Variants in CRACD observed in about 807,000 individuals in gnomAD.
CRACD encodes the protein capping protein inhibiting regulator of actin dynamics.
Under a neutral mutation model 106.8 loss-of-function variants are expected in CRACD, and 56 were observed. That is an observed-to-expected ratio of 0.52 (90% CI 0.42 to 0.66). CRACD has a LOEUF of 0.66. CRACD is among the 30% of genes least tolerant of loss of function. The pLI, the probability that CRACD is intolerant of heterozygous loss-of-function variation, is 0.00. For missense variants in CRACD, 1,730 were observed against 1,623.2 expected (o/e 1.07, Z -1.13); for synonymous variants, 754 against 670.8 (o/e 1.12, Z -1.92).
intron 2 of CRACD, among the ~76,000 whole-genome samples, chr4:56,241,229 A>T (rs972202792): frequency 3.3e-5 from 5 of 152,052 alleles, no homozygotes; most frequent in African/African-American, 1.2e-4. Context: ...ACTTGAGTGG[A>T]TTTCTGTTTA....
At chr4:56,140,700 A>C (rs560616594) in intron 1 of CRACD, among the ~76,000 whole-genome samples, 86 of 152,212 alleles carry the variant, frequency 5.7e-4, no homozygotes, top group Admixed American at 1.0e-3. Flanking sequence ...AGCATTGCAC[A>C]GGGCCAGTTC....
chr4:56,250,422 A>G (rs1298636071), intron 2 of CRACD, among the ~76,000 whole-genome samples: 1 of 152,166 alleles, frequency 6.6e-6, no homozygotes, highest in East Asian at 1.9e-4. Flanking sequence ...TAAGCTGTGT[A>G]TTATTATCAC....
intron 2 of CRACD, among the ~76,000 whole-genome samples, chr4:56,229,498 T>A (rs1301398678): frequency 6.6e-6 from 1 of 152,208 alleles, no homozygotes; most frequent in African/African-American, 2.4e-5. Context: ...TGTTTATTGT[T>A]TATAAATTAC....
intron 2 of CRACD, among the ~76,000 whole-genome samples, chr4:56,248,523 T>C (rs1740838642): frequency 6.6e-6 from 1 of 152,148 alleles, no homozygotes. Flanking sequence ...GCACATTTTC[T>C]TATTTATTTA....
intron 4 of CRACD, 72 bp downstream of exon 4, chr4:56,298,421 C>A (rs1400832062): frequency 1.3e-6 from 2 of 1,576,204 alleles, no homozygotes; most frequent in African/African-American, 1.4e-5. Context: ...GGAAAAGTCC[C>A]GAGCTTGGCC....
intron 2 of CRACD, among the ~76,000 whole-genome samples, chr4:56,227,641 T>A (rs1286119163): frequency 1.3e-5 from 2 of 152,202 alleles, no homozygotes; most frequent in Non-Finnish European, 2.9e-5. Flanking sequence ...GCTGTTCAAC[T>A]CCATCTTCGC....
chr4:56,315,390 G>A lies in CRACD; in HGVS notation c.1888G>A (p.Ala630Thr). 6.2e-7 allele frequency: 1 copy of A among 1,612,730 alleles called. No individual in the cohort carries two copies. The highest frequency in any genetic ancestry group is 8.5e-7 in the Non-Finnish European group (1 of 1,179,624). ...SLLGLEEKKH[A>T]EAPAGENPPR... is the part of the protein sequence containing the mutation. The stretch of plus-strand genomic sequence containing the variant: ...CCTGGGCTTGGAGGAGAAGAAGCAC[G>A]CGGAAGCCCCAGCTGGGGAGAACCC... The change falls in exon 8 of 11, where the codon GCG (alanine) becomes ACG (threonine). Residue 630 changes from alanine (A) to threonine (T), a missense_variant. Physicochemically the swap from Ala to Thr is moderately conservative, Grantham distance 58. Around this residue, in one of 5 missense-constraint regions of CRACD, gnomAD observed 1,620 missense variants for 1,481.6 expected, o/e 1.09. Coordinates refer to ENST00000682029, the MANE Select transcript of CRACD (RefSeq NM_001393381.1). The surrounding 1 kb of genome is among the most constrained non-coding windows in gnomAD (Gnocchi z 4.1).
intron 1 of CRACD, among the ~76,000 whole-genome samples, chr4:56,146,576 CA>C (rs1735390488): frequency 6.8e-6 from 1 of 147,132 alleles, no homozygotes; most frequent in Non-Finnish European, 1.5e-5. Flanking sequence ...CCCCTCCCCC[CA>C]CCGCCATGTA....
At chr4:56,092,741 A>G (rs1471254670) in intron 1 of CRACD, among the ~76,000 whole-genome samples, 7 of 151,998 alleles carry the variant, frequency 4.6e-5, no homozygotes, top group Non-Finnish European at 7.4e-5. Context: ...AGCTGAGACT[A>G]CAGAATGGCA....
intron 1 of CRACD, among the ~76,000 whole-genome samples, chr4:56,093,313 T>C (rs1013163459): frequency 6.6e-6 from 1 of 152,206 alleles, no homozygotes; most frequent in Non-Finnish European, 1.5e-5. Flanking sequence ...TCCTGCCTCC[T>C]GTAGGTACTT....
At chr4:56,162,202 A>AT (rs112373957) in intron 1 of CRACD, among the ~76,000 whole-genome samples, 8,814 of 150,472 alleles carry the variant, frequency 0.059, 442 homozygotes, top group East Asian at 0.12. Context: ...AATTATTATT[A>AT]TTTTTTTTTA....
At chr4:56,069,858 T>C (rs555079859) in intron 1 of CRACD, among the ~76,000 whole-genome samples, 1 of 152,318 alleles carries the variant, frequency 6.6e-6, no homozygotes, top group South Asian at 2.1e-4. Context: ...ATGGACTCTT[T>C]CAAATAGTCA....
At chr4:56,219,592 G>A (rs1577755119) in intron 2 of CRACD, among the ~76,000 whole-genome samples, 1 of 152,284 alleles carries the variant, frequency 6.6e-6, no homozygotes, top group Non-Finnish European at 1.5e-5. Flanking sequence ...GGAGAGAACA[G>A]TCAAATTGTT....
chr4:56,141,739 GC>G (rs1735208391), intron 1 of CRACD, among the ~76,000 whole-genome samples: 1 of 119,726 alleles, frequency 8.4e-6, no homozygotes, highest in South Asian at 2.8e-4. Context: ...TATCACCCAC[GC>G]TGGGGTGCAG....
intron 2 of CRACD, among the ~76,000 whole-genome samples, chr4:56,180,282 G>C (rs1736759244): frequency 6.6e-6 from 1 of 152,076 alleles, no homozygotes; most frequent in South Asian, 2.1e-4. Context: ...ACAAGGTCAG[G>C]AGTTCAAGAC....
At chr4:56,095,814 A>C in intron 1 of CRACD, among the ~76,000 whole-genome samples, 1 of 152,258 alleles carries the variant, frequency 6.6e-6, no homozygotes, top group East Asian at 1.9e-4. Context: ...GGGTGGGGAG[A>C]CCAGGTAGGA....
At chr4:56,166,681 A>AAAAAAC (rs1261864176) in intron 1 of CRACD, among the ~76,000 whole-genome samples, 2 of 151,734 alleles carry the variant, frequency 1.3e-5, no homozygotes, top group Non-Finnish European at 2.9e-5. Flanking sequence ...GTCTCAAAAA[A>AAAAAAC]AAAAAAAAAA....
intron 2 of CRACD, among the ~76,000 whole-genome samples, chr4:56,224,257 T>TGTCTG (rs1448239650): frequency 6.6e-6 from 1 of 152,226 alleles, no homozygotes; most frequent in East Asian, 1.9e-4. Context: ...TTTGGTCACT[T>TGTCTG]GTCTGTCCTT....
At chr4:56,050,863 T>A (rs1190936324) in intron 1 of CRACD, among the ~76,000 whole-genome samples, 1 of 152,244 alleles carries the variant, frequency 6.6e-6, no homozygotes, top group African/African-American at 2.4e-5. Flanking sequence ...TGAGAAACTT[T>A]CACTCTAAAG....
Sources: allele counts gnomAD v4.1 joint callset (sites outside exome capture counted in the v4.1 genomes callset), GRCh38; gene constraint gnomAD v4.1.1; regional missense constraint gnomAD v4.1.1; non-coding constraint Gnocchi (gnomAD v3.1); transcripts MANE v1.5; gene names NCBI Gene and HGNC (gene_info 2026-07-23, HGNC 2026-07-21).